The following GLB1 variants were observed in gnomAD, a reference collection of about 807,000 sequenced individuals.
The protein encoded by GLB1 is beta-galactosidase.
In GLB1, 56 loss-of-function variants were observed where a neutral mutation model predicts 74.0. That is an observed-to-expected ratio of 0.76 (90% CI 0.61 to 0.94). The LOEUF is 0.94. GLB1 is among the 40% of genes least tolerant of loss of function. The pLI is 0.00. For synonymous variants in GLB1, 323 were observed against 323.6 expected, an observed-to-expected ratio of 1.00 and a Z score of 0.02; for missense variants, 787 against 845.5, an observed-to-expected ratio of 0.93 and a Z score of 0.86.
intron 1 of GLB1, among the ~76,000 whole-genome samples, chr3:33,087,147 C>G (rs1409964668): frequency 6.6e-6 from 1 of 151,830 alleles, no homozygotes; most frequent in East Asian, 1.9e-4. Context: ...AACTGTATGC[C>G]AACAAATTGG....
At chr3:33,088,841 A>G (rs1700636336) in intron 1 of GLB1, among the ~76,000 whole-genome samples, 1 of 152,234 alleles carries the variant, frequency 6.6e-6, no homozygotes, top group African/African-American at 2.4e-5. Flanking sequence ...GTCTTGAAAA[A>G]GAAGAGCAAA....
downstream of GLB1, chr3:32,996,500 A>C (rs1322242305): frequency 5.2e-6 from 1 of 192,068 alleles, no homozygotes; most frequent in African/African-American, 2.4e-5. Flanking sequence ...ACTGTTAATC[A>C]TTTAGATTGT....
the GLB1 span, among the ~76,000 whole-genome samples, chr3:32,967,124 T>C: frequency 6.6e-6 from 1 of 152,126 alleles, no homozygotes; most frequent in Non-Finnish European, 1.5e-5. Context: ...GAAGTTCTCA[T>C]CAGGACAAAA....
intron 10 of GLB1, among the ~76,000 whole-genome samples, chr3:33,038,477 A>G (rs1698376875): frequency 6.6e-6 from 1 of 152,252 alleles, no homozygotes; most frequent in African/African-American, 2.4e-5. Context: ...GTTTTAAAAT[A>G]TCTTTTTGAA....
the GLB1 span, among the ~76,000 whole-genome samples, chr3:32,984,166 C>G: frequency 4.6e-3 from 702 of 152,080 alleles, 5 homozygotes; most frequent in African/African-American, 0.016. Flanking sequence ...AACATAAATC[C>G]ACACTAGGGC....
intron 10 of GLB1, among the ~76,000 whole-genome samples, chr3:33,036,806 C>A (rs1698297453): frequency 1.3e-5 from 2 of 152,084 alleles, no homozygotes; most frequent in African/African-American, 4.8e-5. Flanking sequence ...TATGAAATAT[C>A]TAGAATAGGC....
chr3:32,969,486 C>G, the GLB1 span, among the ~76,000 whole-genome samples: 2 of 152,138 alleles, frequency 1.3e-5, no homozygotes, highest in African/African-American at 4.8e-5. Context: ...AGCAAGAACA[C>G]TAAAGGCTAA....
At chr3:32,989,714 T>C in the GLB1 span, among the ~76,000 whole-genome samples, 5 of 152,330 alleles carry the variant, frequency 3.3e-5, no homozygotes, top group Admixed American at 2.6e-4. Context: ...ACTTTCTCCT[T>C]GCAGCTCAAT....
At chr3:33,075,771 G>A (rs138100388) in intron 1 of GLB1, among the ~76,000 whole-genome samples, 3 of 152,212 alleles carry the variant, frequency 2.0e-5, no homozygotes, top group South Asian at 2.1e-4. Context: ...AATCATCTAC[G>A]CAAGCTTTTA....
At chr3:33,021,207 A>G (rs1389649199) in intron 12 of GLB1, 1 of 315,420 alleles carries the variant, frequency 3.2e-6, no homozygotes, top group Admixed American at 4.6e-5. Context: ...CTAAGAACAA[A>G]TAATTAAACT....
At chr3:33,063,443 G>A (rs1699533430) in intron 5 of GLB1, among the ~76,000 whole-genome samples, 1 of 152,102 alleles carries the variant, frequency 6.6e-6, no homozygotes, top group African/African-American at 2.4e-5. Context: ...GGAGGAGGAG[G>A]AGGGGGACAG....
At chr3:33,087,579 G>GCGCGCACACA (rs1374529518) in intron 1 of GLB1, among the ~76,000 whole-genome samples, 1 of 141,802 alleles carries the variant, frequency 7.1e-6, no homozygotes, top group African/African-American at 2.7e-5. Flanking sequence ...CAGCATGCGC[G>GCGCGCACACA]CACACACACA....
chr3:33,056,012 G>A (rs1699199427), intron 6 of GLB1, among the ~76,000 whole-genome samples: 1 of 151,626 alleles, frequency 6.6e-6, no homozygotes. Context: ...CAGATCATGT[G>A]AGGTTAGGAG....
the GLB1 span, among the ~76,000 whole-genome samples, chr3:32,962,485 C>T: frequency 6.6e-6 from 1 of 151,976 alleles, no homozygotes; most frequent in Non-Finnish European, 1.5e-5. Context: ...TTCTAAAATA[C>T]AAGTTTATTT....
chr3:32,980,156 C>A, the GLB1 span, among the ~76,000 whole-genome samples: 10 of 152,322 alleles, frequency 6.6e-5, no homozygotes, highest in East Asian at 7.7e-4. Flanking sequence ...AGGACATTAG[C>A]ACTATTCCTC....
At position 33,084,135 on chromosome 3, in the gene GLB1, G is replaced by T. The variant is rs1191190806; in HGVS notation, c.76-11422C>A. 2.0e-5 allele frequency among the ~76,000 whole-genome samples: 3 copies of T among 152,252 alleles called. No individual in the cohort carries two copies. In the East Asian group the frequency reaches 5.8e-4, roughly 29 times the overall value. The stretch of plus-strand genomic sequence containing the variant: ...ACTCACCCCAGAGACTCAAGGGCCT[G>T]GGGAATTCCTGACACGAGCTGTTCA... On this transcript the variant is annotated intron_variant, in intron 1 of 15. Transcript: ENST00000307363.
intron 10 of GLB1, among the ~76,000 whole-genome samples, chr3:33,039,032 C>G (rs1441358162): frequency 6.6e-6 from 1 of 152,112 alleles, no homozygotes; most frequent in Non-Finnish European, 1.5e-5. Context: ...TGGCTCATAC[C>G]TCTAAGCCCA....
chr3:32,987,695 A>T, the GLB1 span, among the ~76,000 whole-genome samples: 1 of 152,208 alleles, frequency 6.6e-6, no homozygotes, highest in African/African-American at 2.4e-5. Context: ...TAGTATCTCA[A>T]TACTCTTTTA....
At chr3:33,034,305 C>T (rs1575432246) in intron 10 of GLB1, 7 of 737,128 alleles carry the variant, frequency 9.5e-6, no homozygotes, top group South Asian at 7.2e-5. Flanking sequence ...ATCAACAACG[C>T]TTACACCATT....
Sources: gnomAD v4.1 joint callset for allele counts (sites outside exome capture counted in the v4.1 genomes callset) on GRCh38, gnomAD v4.1.1 for gene constraint, MANE v1.5 for transcripts, NCBI Gene and HGNC (gene_info 2026-07-23, HGNC 2026-07-21) for gene names.